KCNQ5: variants seen among roughly 807,000 people sequenced by gnomAD.
KCNQ5 encodes the protein potassium voltage-gated channel subfamily KQT member 5.
Under a neutral mutation model 98.2 loss-of-function variants are expected in KCNQ5, and 30 were observed. The ratio of observed to expected loss-of-function variants is 0.31; its 90% CI spans 0.23 to 0.41. KCNQ5 has a LOEUF of 0.41. Ranked by LOEUF, KCNQ5 falls within the 10% of genes least tolerant of loss-of-function variation. The pLI, the probability that KCNQ5 is intolerant of heterozygous loss-of-function variation, is 1.00. For missense variants in KCNQ5, 835 were observed against 1,182.5 expected, an observed-to-expected ratio of 0.71 and a Z score of 4.31; for synonymous variants, 458 against 449.4, an observed-to-expected ratio of 1.02 and a Z score of -0.24.
chr6:73,165,340 TCTGGGCATCTCC>T (rs1351240705), intron 10 of KCNQ5, among the ~76,000 whole-genome samples: 1 of 152,142 alleles, frequency 6.6e-6, no homozygotes, highest in Non-Finnish European at 1.5e-5. Flanking sequence ...GGAGCTAACA[TCTGGGCATCTCC>T]CAGGGCTCTA....
At chr6:72,802,849 A>G (rs1459131164) in intron 1 of KCNQ5, among the ~76,000 whole-genome samples, 9 of 152,172 alleles carry the variant, frequency 5.9e-5, no homozygotes. Context: ...TCAGCCTCAT[A>G]GAACTTGTTC....
intron 1 of KCNQ5, among the ~76,000 whole-genome samples, chr6:72,996,643 A>G (rs1769314981): frequency 6.6e-6 from 1 of 152,164 alleles, no homozygotes; most frequent in Non-Finnish European, 1.5e-5. Context: ...TTTGAAACCA[A>G]ACTTTTGCTG....
chr6:72,809,890 A>T (rs527265022), intron 1 of KCNQ5, among the ~76,000 whole-genome samples: 101 of 152,274 alleles, frequency 6.6e-4, no homozygotes, highest in South Asian at 1.5e-3. Context: ...AATGGATCCA[A>T]TGAACACAAA....
At chr6:72,951,483 C>T (rs546850291) in intron 1 of KCNQ5, among the ~76,000 whole-genome samples, 3 of 148,326 alleles carry the variant, frequency 2.0e-5, no homozygotes, top group Admixed American at 6.8e-5. Context: ...GAGGTTTCAC[C>T]CTGTTGGCCA....
chr6:72,913,640 G>T (rs1780027057), intron 1 of KCNQ5, among the ~76,000 whole-genome samples: 1 of 152,200 alleles, frequency 6.6e-6, no homozygotes, highest in South Asian at 2.1e-4. Context: ...GTTGTGTAAA[G>T]TCTATCTGTT....
intron 1 of KCNQ5, among the ~76,000 whole-genome samples, chr6:72,857,629 T>A (rs1018530827): frequency 2.0e-5 from 3 of 152,198 alleles, no homozygotes; most frequent in African/African-American, 4.8e-5. Flanking sequence ...TGAAATAATT[T>A]GTGTTTTTTG....
intron 1 of KCNQ5, among the ~76,000 whole-genome samples, chr6:72,797,815 A>G (rs1480117268): frequency 6.6e-6 from 1 of 152,170 alleles, no homozygotes; most frequent in African/African-American, 2.4e-5. Context: ...AACATATTAA[A>G]TCATTGGGAT....
At chr6:72,944,792 T>C (rs1283462552) in intron 1 of KCNQ5, among the ~76,000 whole-genome samples, 1 of 152,154 alleles carries the variant, frequency 6.6e-6, no homozygotes, top group Non-Finnish European at 1.5e-5. Context: ...TTCCAGGATC[T>C]CTGAGAACTG....
intron 1 of KCNQ5, among the ~76,000 whole-genome samples, chr6:72,840,194 A>G (rs752996422): frequency 2.4e-4 from 36 of 152,154 alleles, no homozygotes; most frequent in Non-Finnish European, 3.4e-4. Context: ...TATCTTGACA[A>G]TTGTGAGTAA....
chr6:73,136,448 C>A (rs1262757748), intron 10 of KCNQ5, among the ~76,000 whole-genome samples: 1 of 152,186 alleles, frequency 6.6e-6, no homozygotes, highest in African/African-American at 2.4e-5. Context: ...CTATTCTCTA[C>A]CAAATCACAA....
At chr6:72,748,863 G>A (rs528726072) in intron 1 of KCNQ5, among the ~76,000 whole-genome samples, 1 of 152,240 alleles carries the variant, frequency 6.6e-6, no homozygotes, top group East Asian at 1.9e-4. Flanking sequence ...TGCATAGTGT[G>A]CCAGAGAAAA....
intron 3 of KCNQ5, among the ~76,000 whole-genome samples, chr6:73,048,264 A>C (rs1030488701): frequency 6.6e-6 from 1 of 152,224 alleles, no homozygotes; most frequent in Non-Finnish European, 1.5e-5. Context: ...TATTAAGAAG[A>C]AGCCAGCCAT....
At chr6:73,086,792 A>G (rs1269199573) in intron 5 of KCNQ5, among the ~76,000 whole-genome samples, 1 of 152,230 alleles carries the variant, frequency 6.6e-6, no homozygotes, top group Non-Finnish European at 1.5e-5. Flanking sequence ...GCTGTAATAT[A>G]GAGTAATCAG....
chr6:73,058,694 A>T (rs1772637704), intron 3 of KCNQ5, among the ~76,000 whole-genome samples: 1 of 152,238 alleles, frequency 6.6e-6, no homozygotes, highest in African/African-American at 2.4e-5. Context: ...GGAATCTGTA[A>T]GGAATTTAAA....
chr6:72,662,467 T>A (rs1467258819), intron 1 of KCNQ5, among the ~76,000 whole-genome samples: 1 of 152,136 alleles, frequency 6.6e-6, no homozygotes, highest in Non-Finnish European at 1.5e-5. Flanking sequence ...GAAAAGCAGA[T>A]GTGAATCAGC....
At chr6:72,723,048 C>T (rs978752265) in intron 1 of KCNQ5, among the ~76,000 whole-genome samples, 2 of 151,872 alleles carry the variant, frequency 1.3e-5, no homozygotes, top group Non-Finnish European at 2.9e-5. Context: ...TGGGGTTTCA[C>T]CTTGCTGCCC....
At chr6:73,055,227 A>T (rs1334184611) in intron 3 of KCNQ5, 3 of 1,214,094 alleles carry the variant, frequency 2.5e-6, no homozygotes, top group Non-Finnish European at 2.4e-6. Context: ...GCACGGCGAG[A>T]TGCTGGCTAT....
intron 1 of KCNQ5, among the ~76,000 whole-genome samples, chr6:72,886,219 C>T (rs570799218): frequency 1.3e-5 from 2 of 152,202 alleles, no homozygotes; most frequent in African/African-American, 4.8e-5. Flanking sequence ...AAAGAGCATT[C>T]CATAAATATG....
At chr6:73,179,540 G>A (rs2150512940) in intron 11 of KCNQ5, among the ~76,000 whole-genome samples, 1 of 152,092 alleles carries the variant, frequency 6.6e-6, no homozygotes, top group South Asian at 2.1e-4. Flanking sequence ...TTTCGGAGGG[G>A]GCATTCAAAC....
Sources: allele counts gnomAD v4.1 joint callset (sites outside exome capture counted in the v4.1 genomes callset), GRCh38; gene constraint gnomAD v4.1.1; transcripts MANE v1.5; gene names NCBI Gene and HGNC (gene_info 2026-07-23, HGNC 2026-07-21).